PLEKHB2: variants seen among roughly 807,000 people sequenced by gnomAD.
The protein encoded by PLEKHB2 is pleckstrin homology domain-containing family B member 2.
Under a neutral mutation model 36.5 loss-of-function variants are expected in PLEKHB2, and 31 were observed. The observed-to-expected ratio is 0.85, with a 90% CI of 0.64 to 1.15. The LOEUF (loss-of-function observed/expected upper bound fraction) is 1.15, where lower values mean the gene tolerates loss of function less well. PLEKHB2 is among the 50% of genes most tolerant of loss of function. The pLI is 0.00. For missense variants in PLEKHB2, 262 were observed against 295.3 expected, an observed-to-expected ratio of 0.89 and a Z score of 0.83; for synonymous variants, 119 against 112.0, an observed-to-expected ratio of 1.06 and a Z score of -0.39.
chr2:131,145,028 G>GAAA (rs1414311113), intron 7 of PLEKHB2, among the ~76,000 whole-genome samples: 2 of 152,184 alleles, frequency 1.3e-5, no homozygotes, highest in Non-Finnish European at 2.9e-5. Flanking sequence ...ATTTACGATG[G>GAAA]TTTCATTGTA....
intron 7 of PLEKHB2, among the ~76,000 whole-genome samples, chr2:131,145,658 G>C (rs1369149363): frequency 6.6e-6 from 1 of 152,156 alleles, no homozygotes; most frequent in South Asian, 2.1e-4. Flanking sequence ...ACCATTAAAG[G>C]AATAGAGGAT....
At chr2:131,106,452 A>G (rs1694745414) in intron 1 of PLEKHB2, among the ~76,000 whole-genome samples, 1 of 152,160 alleles carries the variant, frequency 6.6e-6, no homozygotes, top group Admixed American at 6.6e-5. Context: ...TGGCACTGGT[A>G]ACTGCCTGTT....
intron 7 of PLEKHB2, 104 bp from the exon 8 acceptor site, chr2:131,146,533 C>A: frequency 8.1e-7 from 1 of 1,228,804 alleles, no homozygotes; most frequent in African/African-American, 1.5e-5. Context: ...GCCAGTGTGA[C>A]AGGAGACAGC....
chr2:131,110,322 T>G (rs543075439), intron 1 of PLEKHB2, among the ~76,000 whole-genome samples: 19 of 151,732 alleles, frequency 1.3e-4, no homozygotes, highest in African/African-American at 3.9e-4. Context: ...GGACTGTTTT[T>G]TTTTTTTTTT....
At chr2:131,120,384 T>G (rs1696377102) in intron 1 of PLEKHB2, 1 of 155,218 alleles carries the variant, frequency 6.4e-6, no homozygotes, top group Non-Finnish European at 1.4e-5. Flanking sequence ...CGTGACTGTT[T>G]CTTCTAATTT....
At chr2:131,134,363 G>A (rs1403777161) in intron 6 of PLEKHB2, among the ~76,000 whole-genome samples, 1 of 152,050 alleles carries the variant, frequency 6.6e-6, no homozygotes, top group Admixed American at 6.6e-5. Flanking sequence ...TCCTTTTCTC[G>A]GTTGTGCTTT....
intron 1 of PLEKHB2, among the ~76,000 whole-genome samples, chr2:131,118,062 G>A (rs887686861): frequency 3.3e-5 from 5 of 152,138 alleles, no homozygotes; most frequent in African/African-American, 9.7e-5. Context: ...GAAAGTCTTG[G>A]GTAAGGGTGG....
At chr2:131,127,374 G>A (rs2104877122) in intron 4 of PLEKHB2, among the ~76,000 whole-genome samples, 1 of 152,308 alleles carries the variant, frequency 6.6e-6, no homozygotes, top group South Asian at 2.1e-4. Flanking sequence ...TTCTTCGGCT[G>A]TGTCTGTGTC....
chr2:131,106,055 C>A (rs1468551503), intron 1 of PLEKHB2, among the ~76,000 whole-genome samples: 1 of 152,172 alleles, frequency 6.6e-6, no homozygotes, highest in Non-Finnish European at 1.5e-5. Flanking sequence ...CTTGGTGTAC[C>A]TTATCTTACA....
chr2:131,105,494 CCT>C (rs1176922613), intron 1 of PLEKHB2, 96 bp downstream of exon 1: 2 of 153,414 alleles, frequency 1.3e-5, no homozygotes, highest in African/African-American at 4.8e-5. Context: ...GCCTCGCGCC[CCT>C]CTGAGGGGAC....
intron 6 of PLEKHB2, 103 bp downstream of exon 6, chr2:131,133,094 C>A: frequency 1.4e-6 from 1 of 726,666 alleles, no homozygotes; most frequent in Non-Finnish European, 2.4e-6. Context: ...TACTCTAAAC[C>A]TTTTCTTCTT....
At chr2:131,142,080 CT>C (rs1698844112) in intron 7 of PLEKHB2, among the ~76,000 whole-genome samples, 1 of 152,208 alleles carries the variant, frequency 6.6e-6, no homozygotes, top group Admixed American at 6.5e-5. Flanking sequence ...CCCACACCCC[CT>C]CTCACTCTGG....
intron 6 of PLEKHB2, among the ~76,000 whole-genome samples, chr2:131,136,217 T>TCCTCTCCTCTCTCC (rs1698242202): frequency 8.7e-6 from 1 of 114,548 alleles, no homozygotes; most frequent in Non-Finnish European, 1.7e-5. Context: ...TCTCCTCCTC[T>TCCTCTCCTCTCTCC]CCTCTCCTCT....
At chr2:131,137,580 A>C (rs897327548) in intron 6 of PLEKHB2, among the ~76,000 whole-genome samples, 6 of 152,152 alleles carry the variant, frequency 3.9e-5, no homozygotes, top group Non-Finnish European at 8.8e-5. Context: ...TATCCTTGTG[A>C]TGTCTGCAGA....
intron 5 of PLEKHB2, among the ~76,000 whole-genome samples, chr2:131,131,598 A>G (rs1392073463): frequency 1.3e-5 from 2 of 152,194 alleles, no homozygotes; most frequent in Non-Finnish European, 2.9e-5. Context: ...GAAAAGAAGA[A>G]GGTGGATCAA....
chr2:131,106,996 G>A (rs1479263237), intron 1 of PLEKHB2, among the ~76,000 whole-genome samples: 5 of 152,208 alleles, frequency 3.3e-5, no homozygotes, highest in African/African-American at 9.7e-5. Context: ...TACAGCAGTG[G>A]TATAGAGAGG....
rs879498049 is a variant in PLEKHB2, at chr2:131,112,156, A to AGAAC, written c.-9+6759_-9+6760insAACG. 7.9e-3 allele frequency among the ~76,000 whole-genome samples: 1,207 copies of AGAAC among 152,304 alleles called. 11 individuals carry two copies. Among genetic ancestry groups the AGAAC allele is most frequent in the Non-Finnish European group, 0.013 (882 of 68,036 alleles). ...CTTCCAGGAAGGAGAGAGGGGTTCA[A>AGAAC]GGTGATGTTGATCACCAGTGGCTGT... is the stretch of plus-strand genomic sequence containing the variant. On this transcript the variant is annotated intron_variant, in intron 1 of 7. Transcript: ENST00000693505.
At position 131,113,620 on chromosome 2, in the gene PLEKHB2, T is replaced by C. The variant is rs145590721; in HGVS notation, c.-8-7314T>C. The stretch of plus-strand genomic sequence containing the variant: ...TCTCTGGAGGGTGTTAGGCAAAGTT[T>C]GGCTTTTTCATTACAGAACACCCAG... On this transcript the variant is annotated intron_variant, in intron 1 of 7. Transcript: ENST00000693505. 2.4e-4 allele frequency among the ~76,000 whole-genome samples: 37 copies of C among 152,332 alleles called. No individual in the cohort carries two copies. In the East Asian group the frequency reaches 6.7e-3, roughly 28 times the overall value.
intron 3 of PLEKHB2, 130 bp downstream of exon 3, chr2:131,126,035 C>T: frequency 1.2e-6 from 1 of 866,564 alleles, no homozygotes; most frequent in Non-Finnish European, 1.7e-6. Flanking sequence ...AGAGGGGCGA[C>T]CACAGTGGGG....
Sources: gnomAD v4.1 joint callset for allele counts (sites outside exome capture counted in the v4.1 genomes callset) on GRCh38, gnomAD v4.1.1 for gene constraint, MANE v1.5 for transcripts, NCBI Gene and HGNC (gene_info 2026-07-23, HGNC 2026-07-21) for gene names.